The following ANKRD12 variants were observed in gnomAD, a reference collection of about 807,000 sequenced individuals.
The protein encoded by ANKRD12 is ankyrin repeat domain-containing protein 12.
A neutral mutation model predicts 183.4 loss-of-function variants in ANKRD12; 85 were observed. The ratio of observed to expected loss-of-function variants is 0.46; its 90% CI spans 0.39 to 0.56. The LOEUF (loss-of-function observed/expected upper bound fraction) is 0.56, where lower values mean the gene tolerates loss of function less well. ANKRD12 is among the 20% of genes least tolerant of loss of function. The pLI is 0.00. For synonymous variants in ANKRD12, 914 were observed against 800.2 expected (o/e 1.14, Z -2.40); for missense variants, 2,405 against 2,357.1 (o/e 1.02, Z -0.42).
intron 1 of ANKRD12, among the ~76,000 whole-genome samples, chr18:9,168,099 GTGC>G (rs1420412602): frequency 1.3e-5 from 2 of 152,180 alleles, no homozygotes; most frequent in African/African-American, 4.8e-5. Context: ...GCTTCTTGAT[GTGC>G]TGCTGGATTC....
At chr18:9,206,469 T>C (rs1310811081) in intron 4 of ANKRD12, among the ~76,000 whole-genome samples, 8 of 152,070 alleles carry the variant, frequency 5.3e-5, no homozygotes, top group South Asian at 4.1e-4. Flanking sequence ...TGTTGACTGC[T>C]TTTAACTTGA....
chr18:9,270,015 C>G (rs1376401166), intron 10 of ANKRD12, among the ~76,000 whole-genome samples: 1 of 152,178 alleles, frequency 6.6e-6, no homozygotes, highest in Non-Finnish European at 1.5e-5. Flanking sequence ...TGAAAAAATG[C>G]TCATCATCAC....
intron 1 of ANKRD12, among the ~76,000 whole-genome samples, chr18:9,169,148 T>C (rs1207489612): frequency 3.9e-5 from 6 of 152,192 alleles, no homozygotes; most frequent in African/African-American, 9.7e-5. Flanking sequence ...AACTATGTGG[T>C]CAATTTTGGA....
At chr18:9,235,456 A>T (rs1294769442) in intron 8 of ANKRD12, among the ~76,000 whole-genome samples, 2 of 152,250 alleles carry the variant, frequency 1.3e-5, no homozygotes, top group Non-Finnish European at 2.9e-5. Flanking sequence ...AAAAGAAAAA[A>T]AGTTAAAATA....
At chr18:9,172,858 C>G (rs2032875146) in intron 1 of ANKRD12, among the ~76,000 whole-genome samples, 1 of 151,594 alleles carries the variant, frequency 6.6e-6, no homozygotes, top group African/African-American at 2.4e-5. Flanking sequence ...GCTTATCTAC[C>G]TTTGATTTTT....
chr18:9,188,816 G>A (rs1366777988), intron 2 of ANKRD12, among the ~76,000 whole-genome samples: 2 of 152,230 alleles, frequency 1.3e-5, no homozygotes, highest in African/African-American at 4.8e-5. Context: ...AAGATGGCAA[G>A]CTTAATGTTG....
intron 3 of ANKRD12, among the ~76,000 whole-genome samples, chr18:9,200,990 G>A (rs1240555458): frequency 1.3e-5 from 2 of 152,088 alleles, no homozygotes; most frequent in Non-Finnish European, 2.9e-5. Flanking sequence ...AAGTAGGAGG[G>A]AAAAGACCAA....
Position 9,254,196 on chromosome 18 carries a change from T to A in ANKRD12, c.944-15T>A, listed in dbSNP as rs755121235. On this transcript the variant is annotated splice_polypyrimidine_tract_variant and intron_variant, in intron 8 of 12. Coordinates refer to ENST00000262126, the MANE Select transcript of ANKRD12 (RefSeq NM_015208.5). ...TTTGTTTGACCCACACCACATTTTC[T>A]TTTTTTTATTCTAGATTCCGAAGAG... 2.0e-6 allele frequency: 3 copies of A among 1,481,028 alleles called. No homozygotes were observed. Among genetic ancestry groups the A allele is most frequent in the Non-Finnish European group, 2.7e-6 (3 of 1,119,052 alleles). The allele number at this position is 1,481,028 out of a possible 1,614,324, so 91.7% of individuals were successfully genotyped here. A position where few individuals can be genotyped will look rare whatever the true frequency, so the allele number is the denominator to read the frequency against.
At chr18:9,194,612 C>G (rs1159260751) in intron 2 of ANKRD12, among the ~76,000 whole-genome samples, 3 of 152,150 alleles carry the variant, frequency 2.0e-5, no homozygotes, top group African/African-American at 7.2e-5. Flanking sequence ...ATGCTGTGGC[C>G]TCCCACAGTG....
chr18:9,197,005 A>T (rs1048778504), intron 3 of ANKRD12, among the ~76,000 whole-genome samples: 1 of 152,182 alleles, frequency 6.6e-6, no homozygotes, highest in Non-Finnish European at 1.5e-5. Flanking sequence ...TTTAAATTAC[A>T]TTACTCGGGT....
At chr18:9,204,346 T>C (rs1598549102) in intron 3 of ANKRD12, 130 bp from the exon 4 acceptor site, 3 of 698,240 alleles carry the variant, frequency 4.3e-6, no homozygotes, top group South Asian at 1.8e-5. Flanking sequence ...GGCTTTACTT[T>C]AAAAATAATC....
chr18:9,213,427 G>T (rs527733291), intron 6 of ANKRD12, among the ~76,000 whole-genome samples: 7 of 151,986 alleles, frequency 4.6e-5, no homozygotes, highest in African/African-American at 1.4e-4. Context: ...TGTACATGAA[G>T]ATTTAGTTGT....
chr18:9,185,391 G>A (rs1346136159), intron 2 of ANKRD12, among the ~76,000 whole-genome samples: 1 of 152,174 alleles, frequency 6.6e-6, no homozygotes, highest in Non-Finnish European at 1.5e-5. Flanking sequence ...TTAAACTTGT[G>A]TGTGAAGAAA....
At chr18:9,155,084 G>T (rs972301456) in intron 1 of ANKRD12, among the ~76,000 whole-genome samples, 1 of 152,164 alleles carries the variant, frequency 6.6e-6, no homozygotes, top group African/African-American at 2.4e-5. Flanking sequence ...AGCCTAAAAT[G>T]CTGAGGCACC....
chr18:9,186,286 C>T (rs1345159822), intron 2 of ANKRD12, among the ~76,000 whole-genome samples: 2 of 152,032 alleles, frequency 1.3e-5, no homozygotes, highest in Non-Finnish European at 2.9e-5. Context: ...AAAACATTCC[C>T]TAGGTAAGTT....
At chr18:9,191,521 T>C (rs775639575) in intron 2 of ANKRD12, among the ~76,000 whole-genome samples, 6 of 152,180 alleles carry the variant, frequency 3.9e-5, no homozygotes, top group Non-Finnish European at 7.3e-5. Flanking sequence ...CTGTATCTTA[T>C]GTAGCTGCAA....
chr18:9,156,157 A>G (rs972499735), intron 1 of ANKRD12, among the ~76,000 whole-genome samples: 3 of 149,486 alleles, frequency 2.0e-5, no homozygotes, highest in African/African-American at 7.4e-5. Context: ...AAAAAAAAAG[A>G]AAAAGACTTT....
intron 8 of ANKRD12, chr18:9,250,166 T>G (rs1320931636): frequency 6.6e-6 from 1 of 152,196 alleles, no homozygotes; most frequent in East Asian, 1.9e-4. Context: ...GTTACAGGTG[T>G]CTTTGTTGCT....
chr18:9,176,875 G>A (rs2033312822), intron 1 of ANKRD12, among the ~76,000 whole-genome samples: 1 of 152,018 alleles, frequency 6.6e-6, no homozygotes, highest in South Asian at 2.1e-4. Flanking sequence ...TTTTGTTTTA[G>A]AAGAAGATAT....
Sources: gnomAD v4.1 joint callset for allele counts (sites outside exome capture counted in the v4.1 genomes callset) on GRCh38, gnomAD v4.1.1 for gene constraint, MANE v1.5 for transcripts, NCBI Gene and HGNC (gene_info 2026-07-23, HGNC 2026-07-21) for gene names.